The following GALNT17 variants were observed in gnomAD, a reference collection of about 807,000 sequenced individuals.
GALNT17 encodes UDP-GalNAc:polypeptide N-acetylgalactosaminyltransferase-like 3.
In GALNT17, 29 loss-of-function variants were observed where a neutral mutation model predicts 63.7. The observed-to-expected ratio is 0.46, with a 90% CI of 0.34 to 0.62. The LOEUF (loss-of-function observed/expected upper bound fraction) is 0.62. Ranked by LOEUF, GALNT17 falls within the 20% of genes least tolerant of loss-of-function variation. GALNT17 has a pLI of 0.01. For missense variants in GALNT17, 603 were observed against 799.6 expected (o/e 0.75, Z 2.97); for synonymous variants, 305 against 318.3 (o/e 0.96, Z 0.45).
At chr7:71,577,557 TG>T (rs1390409042) in intron 6 of GALNT17, among the ~76,000 whole-genome samples, 1 of 152,046 alleles carries the variant, frequency 6.6e-6, no homozygotes, top group African/African-American at 2.4e-5. Context: ...GGCCTTTCCA[TG>T]GTTCAGCCCC....
chr7:71,139,745 C>T (rs1249262599), intron 1 of GALNT17, among the ~76,000 whole-genome samples: 1 of 152,142 alleles, frequency 6.6e-6, no homozygotes, highest in African/African-American at 2.4e-5. Flanking sequence ...GTAATCCCAG[C>T]ACTTTGGGAG....
chr7:71,374,467 A>G (rs1792683658), intron 2 of GALNT17, among the ~76,000 whole-genome samples: 1 of 152,204 alleles, frequency 6.6e-6, no homozygotes, highest in African/African-American at 2.4e-5. Context: ...CAGTCTTCTC[A>G]TTATGAAGGC....
At chr7:71,368,587 CTT>C (rs1181536386) in intron 2 of GALNT17, among the ~76,000 whole-genome samples, 3 of 152,132 alleles carry the variant, frequency 2.0e-5, no homozygotes, top group African/African-American at 2.4e-5. Flanking sequence ...ACAAACGTCT[CTT>C]GTCGCATTTA....
chr7:71,673,105 A>G (rs754828645), intron 8 of GALNT17, among the ~76,000 whole-genome samples: 7 of 152,198 alleles, frequency 4.6e-5, no homozygotes, highest in Non-Finnish European at 1.0e-4. Flanking sequence ...CTGTGAGTGC[A>G]AATTGAAACA....
chr7:71,441,607 G>C (rs1787068201), intron 5 of GALNT17, among the ~76,000 whole-genome samples: 2 of 152,078 alleles, frequency 1.3e-5, no homozygotes, highest in Non-Finnish European at 2.9e-5. Flanking sequence ...GCATGCATTA[G>C]GTATTTGTCC....
intron 10 of GALNT17, 93 bp from the exon 11 acceptor site, chr7:71,711,925 C>A: frequency 7.3e-7 from 1 of 1,363,620 alleles, no homozygotes; most frequent in East Asian, 2.4e-5. Flanking sequence ...GTCATTTTCT[C>A]TCTCCTGTCT....
rs556754693 is a variant in GALNT17 at position 71,608,142 on chromosome 7, C to T, written c.1080+36740C>T. 4.1e-4 allele frequency among the ~76,000 whole-genome samples: 63 copies of T among 152,260 alleles called. No homozygotes were observed. In the South Asian group the frequency reaches 0.013, roughly 31 times the overall value. On this transcript the variant is annotated intron_variant, in intron 6 of 10. Coordinates refer to ENST00000333538, the MANE Select transcript of GALNT17 (RefSeq NM_022479.3). ...GAGCTGACATAATGATCACTAATAC[C>T]TCTTTTTACTCTCAGAAACGTGCAT...
chr7:71,577,129 C>G (rs1789552197), intron 6 of GALNT17, among the ~76,000 whole-genome samples: 1 of 152,208 alleles, frequency 6.6e-6, no homozygotes, highest in Non-Finnish European at 1.5e-5. Flanking sequence ...CCGAATACCA[C>G]ATGTTCTCAC....
intron 1 of GALNT17, among the ~76,000 whole-genome samples, chr7:71,148,223 A>G (rs549532010): frequency 2.2e-4 from 34 of 152,268 alleles, no homozygotes; most frequent in Non-Finnish European, 4.1e-4. Flanking sequence ...GGTAGCTAGC[A>G]CTGTTTTGGC....
chr7:71,306,218 CA>C, intron 1 of GALNT17, among the ~76,000 whole-genome samples: 1 of 152,044 alleles, frequency 6.6e-6, no homozygotes, highest in African/African-American at 2.4e-5. Flanking sequence ...AGATTTGTCT[CA>C]AAATAAAATA....
In GALNT17 at chr7:71,510,850, T is replaced by C. The variant is rs541301906; in HGVS notation, c.963-60435T>C. ...TTGGAGAAGAAGGTCAGGGTATGCC[T>C]GTCTGAACTGAGACCTGCAAGATGA... On this transcript the variant is annotated intron_variant, in intron 5 of 10. Coordinates refer to ENST00000333538, the MANE Select transcript of GALNT17 (RefSeq NM_022479.3). Among the ~76,000 whole-genome samples the C allele has an allele frequency of 2.2e-4, 33 of 152,278 alleles. No individual in the cohort carries two copies. In the South Asian group the frequency reaches 6.8e-3, roughly 32 times the overall value.
chr7:71,234,651 G>A (rs1264959561), intron 1 of GALNT17, among the ~76,000 whole-genome samples: 1 of 152,186 alleles, frequency 6.6e-6, no homozygotes, highest in Non-Finnish European at 1.5e-5. Flanking sequence ...ACTACAAACT[G>A]AGCTGCCTGT....
intron 1 of GALNT17, among the ~76,000 whole-genome samples, chr7:71,276,272 T>A (rs1790679822): frequency 6.6e-6 from 1 of 152,136 alleles, no homozygotes; most frequent in Non-Finnish European, 1.5e-5. Context: ...TGTTCTGAGC[T>A]GAACATACAA....
At chr7:71,433,017 G>C (rs1476929325) in intron 5 of GALNT17, among the ~76,000 whole-genome samples, 5 of 152,140 alleles carry the variant, frequency 3.3e-5, no homozygotes, top group African/African-American at 7.2e-5. Flanking sequence ...CACCATGTTG[G>C]CCAGGCTGGT....
intron 5 of GALNT17, among the ~76,000 whole-genome samples, chr7:71,450,341 G>A (rs536768303): frequency 1.3e-5 from 2 of 152,064 alleles, no homozygotes; most frequent in East Asian, 2.0e-4. Flanking sequence ...CGCCATGTTG[G>A]CCAGGCTGGT....
At position 71,398,940 on chromosome 7, in the gene GALNT17, G is replaced by A. The variant is rs537330530; in HGVS notation, c.589+10539G>A. On this transcript the variant is annotated intron_variant, in intron 3 of 10. Coordinates refer to ENST00000333538, the MANE Select transcript of GALNT17 (RefSeq NM_022479.3). ...TGATTTGTGTGGGCTGAAACAAGAA[G>A]TGGGAGTGGGGGCTGGACGTGGTGG... is the stretch of plus-strand genomic sequence containing the variant. Among the ~76,000 whole-genome samples, 4 of 152,268 alleles carry A rather than the reference G, an allele frequency of 2.6e-5. No homozygotes were observed. The East Asian group carries it at 7.7e-4, about 29-fold the overall frequency.
In GALNT17 at chr7:71,711,636, TTC is replaced by T. The variant is rs1282583254; in HGVS notation, c.1669-378_1669-377del. Among the ~76,000 whole-genome samples, 253 of 151,474 alleles carry T rather than the reference TTC, an allele frequency of 1.7e-3. 1 individual carries two copies. The highest frequency in any genetic ancestry group is 5.7e-3 in the African/African-American group (236 of 41,306). ...GTCTTCTCTCTGTTCCTCTCCTCTC[TTC>T]TCTTTTTTCTCTCTCCCCTTTATCT... On this transcript the variant is annotated intron_variant, in intron 10 of 10. Transcript: ENST00000333538.
chr7:71,345,140 GT>G (rs1792068081), intron 2 of GALNT17, among the ~76,000 whole-genome samples: 1 of 119,756 alleles, frequency 8.4e-6, no homozygotes, highest in East Asian at 2.7e-4. Context: ...TTTTGTTGTT[GT>G]TTTTTGTTTT....
intron 1 of GALNT17, among the ~76,000 whole-genome samples, chr7:71,325,334 TG>T (rs1272178401): frequency 3.9e-5 from 6 of 152,150 alleles, no homozygotes; most frequent in Non-Finnish European, 8.8e-5. Context: ...GCCTGCCCAG[TG>T]GAAGACGGGC....
Sources: allele counts gnomAD v4.1 joint callset (sites outside exome capture counted in the v4.1 genomes callset), GRCh38; gene constraint gnomAD v4.1.1; transcripts MANE v1.5; gene names NCBI Gene and HGNC (gene_info 2026-07-23, HGNC 2026-07-21).